Variants in FDCSP observed in about 807,000 individuals in gnomAD.
FDCSP encodes the protein follicular dendritic cell secreted protein.
FDCSP carries 8 observed loss-of-function variants against 8.9 expected under a neutral mutation model. The observed-to-expected ratio is 0.90, with a 90% CI of 0.53 to 1.63. The LOEUF (loss-of-function observed/expected upper bound fraction) is 1.63, where lower values mean the gene tolerates loss of function less well. FDCSP is among the 40% of genes most tolerant of loss of function. The pLI is 0.00. For missense variants in FDCSP, 101 were observed against 103.6 expected (o/e 0.98, Z 0.11); for synonymous variants, 34 against 34.5 (o/e 0.98, Z 0.06).
At chr4:70,231,751 C>T (rs1459989542) in intron 2 of FDCSP, among the ~76,000 whole-genome samples, 14 of 151,570 alleles carry the variant, frequency 9.2e-5, no homozygotes, top group Non-Finnish European at 3.0e-5. Flanking sequence ...AACTGTAAAA[C>T]AGCCTCAGAC....
In FDCSP at chr4:70,233,057, A is replaced by G. The variant is rs138035017; in HGVS notation, c.90+31A>G. 1.9e-4 allele frequency: 302 copies of G among 1,558,264 alleles called. No homozygotes were observed. The African/African-American group carries it at 3.9e-3, about 20-fold the overall frequency. On this transcript the variant is annotated intron_variant, in intron 3 of 4. Transcript: ENST00000317987. ...TTACCTTTTCTCTTTTTTACATGTAAGTTTTACACGTGAAATATTCATAAC... is the reference window on the plus strand; with the variant it reads ...TTACCTTTTCTCTTTTTTACATGTAGGTTTTACACGTGAAATATTCATAAC...
chr4:70,230,704 AC>A (rs1489831488), intron 1 of FDCSP, among the ~76,000 whole-genome samples: 1 of 151,692 alleles, frequency 6.6e-6, no homozygotes, highest in African/African-American at 2.4e-5. Context: ...TCTGTCACCT[AC>A]ATTACTTTCA....
Position 70,234,009 on chromosome 4 carries a change from T to C in FDCSP, c.91-11T>C, listed in dbSNP as rs1730131489. 4 of 1,590,624 alleles carry C rather than the reference T, an allele frequency of 2.5e-6. No individual in the cohort carries two copies. Among genetic ancestry groups the C allele is most frequent in the Admixed American group, 1.8e-5 (1 of 55,246 alleles). ...AGTGAAATAAACCCTTTAACTTCTTTCTTTCAACAGATCAGTGACAGCGAT... is the reference window on the plus strand; with the variant it reads ...AGTGAAATAAACCCTTTAACTTCTTCCTTTCAACAGATCAGTGACAGCGAT... On this transcript the variant is annotated splice_polypyrimidine_tract_variant and intron_variant, in intron 3 of 4. Coordinates refer to ENST00000317987, the MANE Select transcript of FDCSP (RefSeq NM_152997.4).
chr4:70,233,052 A>G (rs780337318), intron 3 of FDCSP, 26 bp downstream of exon 3: 16 of 1,573,630 alleles, frequency 1.0e-5, no homozygotes, highest in African/African-American at 2.7e-5. Flanking sequence ...TCTTTTTTAC[A>G]TGTAAGTTTT....
At chr4:70,229,922 T>C (rs993273132) in intron 1 of FDCSP, among the ~76,000 whole-genome samples, 9 of 151,646 alleles carry the variant, frequency 5.9e-5, no homozygotes, top group African/African-American at 1.9e-4. Context: ...TACCAAAATA[T>C]GACACAGAGA....
At chr4:70,231,115 C>A in intron 1 of FDCSP, 80 bp from the exon 2 acceptor site, 1 of 1,115,332 alleles carries the variant, frequency 9.0e-7, no homozygotes, top group South Asian at 1.6e-5. Flanking sequence ...CTTTTAAATT[C>A]ATGGTCTTTT....
intron 1 of FDCSP, among the ~76,000 whole-genome samples, chr4:70,228,129 T>G (rs1233630662): frequency 6.6e-6 from 1 of 151,832 alleles, no homozygotes; most frequent in Non-Finnish European, 1.5e-5. Context: ...CCACAGTATT[T>G]CTTTCAAAAT....
intron 1 of FDCSP, 49 bp from the exon 2 acceptor site, chr4:70,231,146 A>T (rs754924880): frequency 1.2e-5 from 18 of 1,446,254 alleles, no homozygotes; most frequent in African/African-American, 2.9e-5. Flanking sequence ...TAGGATATTT[A>T]TGAATAAAAT....
At chr4:70,231,991 A>G (rs542073423) in intron 2 of FDCSP, among the ~76,000 whole-genome samples, 48 of 151,948 alleles carry the variant, frequency 3.2e-4, no homozygotes, top group African/African-American at 1.1e-3. Context: ...GAATAAGGAT[A>G]CAAAGAGTGA....
intron 3 of FDCSP, among the ~76,000 whole-genome samples, chr4:70,233,407 G>A (rs1441808435): frequency 6.6e-6 from 1 of 151,684 alleles, no homozygotes; most frequent in Non-Finnish European, 1.5e-5. Flanking sequence ...CAGCTTTGAT[G>A]ATCCTCCCAG....
Position 70,233,027 on chromosome 4 carries a change from G to GT in FDCSP, c.90+2dup. 6.3e-7 allele frequency: 1 copy of GT among 1,592,970 alleles called. No individual in the cohort carries two copies. Among genetic ancestry groups the GT allele is most frequent in the Non-Finnish European group, 8.5e-7 (1 of 1,171,148 alleles). ...AGACCAGGAACGAGAAAAAAGAAGT[G>GT]TAAGTTACCTTTTCTCTTTTTTACA... On this transcript the variant is annotated splice_donor_variant, in intron 3 of 4. Transcript: ENST00000317987. LOFTEE classifies it high-confidence loss of function.
rs532943544 is a variant in FDCSP, at chr4:70,229,187, G to A, written c.1-2008G>A. Among the ~76,000 whole-genome samples the A allele has an allele frequency of 5.3e-5, 8 of 151,766 alleles. No individual in the cohort carries two copies. The East Asian group carries it at 1.6e-3, about 30-fold the overall frequency. ...ATATCAACACTTGCTGCTTTACCTT[G>A]CACTTTTATGTTATAGCCAATCTCT... On this transcript the variant is annotated intron_variant, in intron 1 of 4. Coordinates refer to ENST00000317987, the MANE Select transcript of FDCSP (RefSeq NM_152997.4).
At position 70,227,231 on chromosome 4, in the gene FDCSP, T is replaced by C. The variant is rs568367422; in HGVS notation, c.-1+1049T>C. On this transcript the variant is annotated intron_variant, in intron 1 of 4. Transcript: ENST00000317987. The stretch of plus-strand genomic sequence containing the variant: ...TCTGTGAGGAGTATGTGTGAGTGTG[T>C]GCATGTGTGTGTTTGTATAATTTTT... Among the ~76,000 whole-genome samples the C allele has an allele frequency of 3.9e-5, 6 of 151,900 alleles. No individual in the cohort carries two copies. The East Asian group carries it at 1.2e-3, about 30-fold the overall frequency.
chr4:70,234,250 A>C (rs1730136768), intron 4 of FDCSP, 35 bp downstream of exon 4: 2 of 1,447,954 alleles, frequency 1.4e-6, no homozygotes, highest in South Asian at 2.9e-5. Context: ...AGTTTATTTT[A>C]AGTTTGCAGA....
chr4:70,234,928 C>G (rs940004671), intron 4 of FDCSP, among the ~76,000 whole-genome samples, 157 bp from the exon 5 acceptor site: 1 of 151,294 alleles, frequency 6.6e-6, no homozygotes, highest in Non-Finnish European at 1.5e-5. Flanking sequence ...CACTAAAGAC[C>G]TTTGCTTTCT....
intron 1 of FDCSP, among the ~76,000 whole-genome samples, chr4:70,229,512 C>T (rs972599423): frequency 5.3e-5 from 8 of 151,772 alleles, no homozygotes; most frequent in African/African-American, 1.9e-4. Flanking sequence ...TGGCTTTTGA[C>T]ATTCCTTCTT....
Position 70,234,007 on chromosome 4 carries a change from T to C in FDCSP, c.91-13T>C. On this transcript the variant is annotated splice_polypyrimidine_tract_variant and intron_variant, in intron 3 of 4. Transcript: ENST00000317987. ...AAAGTGAAATAAACCCTTTAACTTC[T>C]TTCTTTCAACAGATCAGTGACAGCG... 2.5e-6 allele frequency: 4 copies of C among 1,584,646 alleles called. No homozygotes were observed. Among genetic ancestry groups the C allele is most frequent in the Non-Finnish European group, 3.4e-6 (4 of 1,167,974 alleles).
intron 1 of FDCSP, among the ~76,000 whole-genome samples, chr4:70,230,166 C>T (rs1427317728): frequency 6.6e-6 from 1 of 151,388 alleles, no homozygotes; most frequent in Non-Finnish European, 1.5e-5. Flanking sequence ...AAGTAAAGTC[C>T]CCTAGCCAAT....
chr4:70,232,765 A>T (rs1467097431), intron 2 of FDCSP, among the ~76,000 whole-genome samples: 7 of 151,694 alleles, frequency 4.6e-5, no homozygotes, highest in Admixed American at 4.6e-4. Flanking sequence ...TGTTCAGTGC[A>T]TAATTCAGTT....
Sources: allele counts gnomAD v4.1 joint callset (sites outside exome capture counted in the v4.1 genomes callset), GRCh38; gene constraint gnomAD v4.1.1; transcripts MANE v1.5; gene names NCBI Gene and HGNC (gene_info 2026-07-23, HGNC 2026-07-21).